Variants in VAV3 observed in about 807,000 individuals in gnomAD.
The protein encoded by VAV3 is guanine nucleotide exchange factor VAV3.
VAV3 carries 94 observed loss-of-function variants against 131.2 expected under a neutral mutation model. The observed-to-expected ratio is 0.72, with a 90% CI of 0.61 to 0.85. VAV3 has a LOEUF of 0.85. Ranked by LOEUF, VAV3 falls within the 40% of genes least tolerant of loss-of-function variation. The pLI is 0.00. For missense variants in VAV3, 939 were observed against 1,002.7 expected (o/e 0.94, Z 0.86); for synonymous variants, 349 against 342.0 (o/e 1.02, Z -0.22).
chr1:107,840,512 T>C (rs1187201173), intron 2 of VAV3, among the ~76,000 whole-genome samples: 1 of 152,218 alleles, frequency 6.6e-6, no homozygotes, highest in Non-Finnish European at 1.5e-5. Flanking sequence ...TTCCAGAGCA[T>C]TTAACCATTG....
intron 9 of VAV3, among the ~76,000 whole-genome samples, chr1:107,761,903 A>G (rs551457387): frequency 1.3e-5 from 2 of 152,274 alleles, no homozygotes; most frequent in South Asian, 4.1e-4. Context: ...GAAGCCTTGG[A>G]TTGTATTTAA....
chr1:107,929,051 G>A (rs1046341567), intron 1 of VAV3, among the ~76,000 whole-genome samples: 2 of 151,932 alleles, frequency 1.3e-5, no homozygotes, highest in African/African-American at 2.4e-5. Flanking sequence ...CAGTACAACC[G>A]GCAGTAGACT....
Position 107,760,780 on chromosome 1 carries a change from A to G in VAV3, c.1017+4T>C. Reference sequence around the variant, plus strand: ...CAATAAATAAACTGTTTTAAGTTACATACCTGGAGGAGAAGGTGGTACTTT... The same window carrying G: ...CAATAAATAAACTGTTTTAAGTTACGTACCTGGAGGAGAAGGTGGTACTTT... On this transcript the variant is annotated splice_donor_region_variant and intron_variant, in intron 10 of 26. Transcript: ENST00000370056. 1 of 1,606,272 alleles carries G rather than the reference A, an allele frequency of 6.2e-7. No homozygotes were observed. The highest frequency in any genetic ancestry group is 8.5e-7 in the Non-Finnish European group (1 of 1,173,450).
intron 17 of VAV3, among the ~76,000 whole-genome samples, chr1:107,696,677 T>A (rs1659769195): frequency 6.6e-6 from 1 of 152,210 alleles, no homozygotes; most frequent in South Asian, 2.1e-4. Flanking sequence ...GGGGGTCTGA[T>A]CTATGTAAAC....
intron 19 of VAV3, among the ~76,000 whole-genome samples, chr1:107,661,369 T>A (rs1444785318): frequency 1.3e-5 from 2 of 152,322 alleles, no homozygotes; most frequent in East Asian, 3.9e-4. Context: ...AGTGCAAGGC[T>A]ATGCTTTCGG....
At chr1:107,784,646 A>G (rs1397501795) in intron 2 of VAV3, among the ~76,000 whole-genome samples, 1 of 152,238 alleles carries the variant, frequency 6.6e-6, no homozygotes, top group African/African-American at 2.4e-5. Context: ...TTTCAATCTG[A>G]CAACGGAAAA....
intron 15 of VAV3, among the ~76,000 whole-genome samples, chr1:107,739,531 AGAGGCAACT>A (rs1662881983): frequency 6.6e-6 from 1 of 152,242 alleles, no homozygotes; most frequent in Admixed American, 6.5e-5. Context: ...AGCACAGCCC[AGAGGCAACT>A]GATGGTGCCG....
chr1:107,600,815 T>C (rs780844559), intron 24 of VAV3, among the ~76,000 whole-genome samples: 5 of 152,326 alleles, frequency 3.3e-5, no homozygotes, highest in South Asian at 2.1e-4. Flanking sequence ...GCTAAATTCA[T>C]TGGCCCTTTT....
chr1:107,927,642 G>A (rs988661508), intron 1 of VAV3, among the ~76,000 whole-genome samples: 1 of 152,072 alleles, frequency 6.6e-6, no homozygotes, highest in African/African-American at 2.4e-5. Context: ...TGGTAGTCCC[G>A]TAGTACTCCC....
chr1:107,831,296 A>G (rs1262487895), intron 2 of VAV3, among the ~76,000 whole-genome samples: 2 of 152,220 alleles, frequency 1.3e-5, no homozygotes, highest in African/African-American at 4.8e-5. Flanking sequence ...AATAATACCA[A>G]TTTGATATTA....
At position 107,572,518 on chromosome 1, in the gene VAV3, T is replaced by G. The variant is rs947491284; in HGVS notation, c.*813A>C. The G allele has an allele frequency of 2.0e-5, 3 of 152,654 alleles. No homozygotes were observed. Among genetic ancestry groups the G allele is most frequent in the Admixed American group, 6.5e-5 (1 of 15,290 alleles). The allele number at this position is 152,654 out of a possible 1,614,324, so 9.5% of individuals were successfully genotyped here. A position where few individuals can be genotyped will look rare whatever the true frequency, so the allele number is the denominator to read the frequency against. On this transcript the variant is annotated 3_prime_UTR_variant, in exon 27 of 27. Transcript: ENST00000370056. ...CCAGCTTCTTCAGGTTATTGGCAAC[T>G]ACCCTTAATATACCTAGCCCAGATC...
chr1:107,945,841 A>AAAG (rs1674233695), intron 1 of VAV3, among the ~76,000 whole-genome samples: 1 of 74,230 alleles, frequency 1.3e-5, no homozygotes, highest in Non-Finnish European at 3.1e-5. Flanking sequence ...AAAAAAAGAA[A>AAAG]GAAAGAAAAG....
intron 1 of VAV3, among the ~76,000 whole-genome samples, chr1:107,956,552 T>C (rs563774313): frequency 6.6e-6 from 1 of 152,262 alleles, no homozygotes; most frequent in East Asian, 1.9e-4. Context: ...AATTCCTCTA[T>C]ATACACATTA....
At chr1:107,942,744 G>T (rs1321251793) in intron 1 of VAV3, among the ~76,000 whole-genome samples, 3 of 151,940 alleles carry the variant, frequency 2.0e-5, no homozygotes, top group Non-Finnish European at 1.5e-5. Flanking sequence ...CCAACCCCCG[G>T]CCTTTGTAAT....
intron 15 of VAV3, among the ~76,000 whole-genome samples, chr1:107,746,209 T>G (rs1051186675): frequency 1.3e-5 from 2 of 152,212 alleles, no homozygotes; most frequent in East Asian, 3.8e-4. Context: ...TCCTACATGA[T>G]GAACTTCAAA....
chr1:107,574,795 A>T (rs1485025760), intron 25 of VAV3, among the ~76,000 whole-genome samples: 3 of 152,196 alleles, frequency 2.0e-5, no homozygotes. Context: ...TATATAATTC[A>T]CCTAAGTGAA....
At chr1:107,610,002 A>AT in intron 21 of VAV3, 37 bp from the exon 22 acceptor site, 1 of 1,600,136 alleles carries the variant, frequency 6.2e-7, no homozygotes, top group Non-Finnish European at 8.6e-7. Flanking sequence ...TTAAGTTTAC[A>AT]TAAGGGAAGC....
chr1:107,925,154 C>T (rs1041904428), intron 1 of VAV3, among the ~76,000 whole-genome samples: 12 of 151,898 alleles, frequency 7.9e-5, no homozygotes, highest in African/African-American at 2.9e-4. Flanking sequence ...TTTACGTACA[C>T]TTAAAAAAAA....
At position 107,680,050 on chromosome 1, in the gene VAV3, A is replaced by G. The variant is rs143706336; in HGVS notation, c.1777+3438T>C. 7.3e-3 allele frequency among the ~76,000 whole-genome samples: 1,115 copies of G among 152,322 alleles called. 15 individuals are homozygous for G. The highest frequency in any genetic ancestry group is 0.025 in the African/African-American group (1,049 of 41,582). Reference sequence around the variant, plus strand: ...GCAAAGCCATTTGCAAATATTGTCTATAAAGATTAATCACAATTATTAATA... The same window carrying G: ...GCAAAGCCATTTGCAAATATTGTCTGTAAAGATTAATCACAATTATTAATA... On this transcript the variant is annotated intron_variant, in intron 19 of 26. Coordinates refer to ENST00000370056, the MANE Select transcript of VAV3 (RefSeq NM_006113.5).
Sources: allele counts gnomAD v4.1 joint callset (sites outside exome capture counted in the v4.1 genomes callset), GRCh38; gene constraint gnomAD v4.1.1; transcripts MANE v1.5; gene names NCBI Gene and HGNC (gene_info 2026-07-23, HGNC 2026-07-21).